Variants in CWC27 observed in about 807,000 individuals in gnomAD.
CWC27 encodes the protein CWC27 spliceosome associated cyclophilin, also known as spliceosome-associated protein CWC27 homolog.
A neutral mutation model predicts 63.6 loss-of-function variants in CWC27; 47 were observed. The ratio of observed to expected loss-of-function variants is 0.74; its 90% CI spans 0.58 to 0.94. CWC27 has a LOEUF of 0.94. Among genes scored for constraint, CWC27 ranks in the 40% least tolerant of loss-of-function variants. The pLI is 0.00. For synonymous variants in CWC27, 175 were observed against 179.8 expected (o/e 0.97, Z 0.22); for missense variants, 495 against 554.3 (o/e 0.89, Z 1.07).
At chr5:64,981,461 A>T (rs1461203899) in intron 13 of CWC27, among the ~76,000 whole-genome samples, 1 of 152,198 alleles carries the variant, frequency 6.6e-6, no homozygotes, top group Admixed American at 6.5e-5. Flanking sequence ...CTATATGATG[A>T]ACCACAAATT....
At position 64,782,023 on chromosome 5, in the gene CWC27, C is replaced by T. The variant is rs765721927; in HGVS notation, c.242C>T (p.Ala81Val). The T allele has an allele frequency of 1.3e-5, 20 of 1,506,510 alleles. No homozygotes were observed. In the South Asian group the frequency reaches 1.4e-4, roughly 10 times the overall value. The allele number at this position is 1,506,510 out of a possible 1,614,324, so 93.3% of individuals were successfully genotyped here. A position where few individuals can be genotyped will look rare whatever the true frequency, so the allele number is the denominator to read the frequency against. ...AGTGGTGGAGAGTCTATCTATGGAG[C>T]GCCATTCAAAGTAAGACTGAATTAT... ...TGSGGESIYG[A>V]PFKDEFHSRL... Residue 81 changes from alanine to valine, a missense_variant, in exon 3 of 14, where the codon GCG becomes GTG. By Grantham distance (64) the Ala-to-Val change is moderately conservative. Transcript: ENST00000381070.
intron 7 of CWC27, among the ~76,000 whole-genome samples, chr5:64,798,110 T>C (rs1744344384): frequency 6.6e-6 from 1 of 152,210 alleles, no homozygotes; most frequent in South Asian, 2.1e-4. Flanking sequence ...AAGGAAAGCA[T>C]GAACAAAAGA....
In CWC27 at chr5:64,954,432, G is replaced by C. The variant is rs575794840; in HGVS notation, c.1043-17271G>C. ...TCCTCCCAAGTAGCTAGGACTACAG[G>C]TATATGCCACTATGCCAGGCTAAAA... On this transcript the variant is annotated intron_variant, in intron 11 of 13. Transcript: ENST00000381070. Among the ~76,000 whole-genome samples, 3 of 152,110 alleles carry C rather than the reference G, an allele frequency of 2.0e-5. No individual in the cohort carries two copies. The South Asian group carries it at 6.2e-4, about 32-fold the overall frequency.
intron 9 of CWC27, among the ~76,000 whole-genome samples, chr5:64,801,630 A>C (rs985684914): frequency 2.0e-5 from 3 of 151,994 alleles, no homozygotes; most frequent in African/African-American, 7.2e-5. Context: ...CAAACTTCAG[A>C]TGTTATAAAT....
chr5:64,887,131 G>A (rs927638487), intron 11 of CWC27, among the ~76,000 whole-genome samples: 2 of 151,970 alleles, frequency 1.3e-5, no homozygotes, highest in African/African-American at 2.4e-5. Context: ...GATTAGGAGT[G>A]TAACACTGTG....
chr5:64,801,373 A>G (rs1022908907), intron 9 of CWC27, 41 bp downstream of exon 9: 1 of 1,262,036 alleles, frequency 7.9e-7, no homozygotes, highest in Non-Finnish European at 1.0e-6. Context: ...TGAACAATTC[A>G]TAGAAAGTAC....
At chr5:64,911,943 G>A (rs1251118924) in intron 11 of CWC27, among the ~76,000 whole-genome samples, 4 of 151,892 alleles carry the variant, frequency 2.6e-5, no homozygotes, top group East Asian at 1.9e-4. Flanking sequence ...CCGTGATGGC[G>A]GGCACCTGCA....
In CWC27 at chr5:64,858,346, C is replaced by T. The variant is rs561382623; in HGVS notation, c.939-27097C>T. 2.0e-5 allele frequency among the ~76,000 whole-genome samples: 3 copies of T among 149,092 alleles called. No individual in the cohort carries two copies. In the Admixed American group the frequency reaches 2.0e-4, roughly 10 times the overall value. ...GCGTGGTGGCGGACGCCTGTAGTCC[C>T]AGCTACTCGGGAGGCTGAGGCAGGA... On this transcript the variant is annotated intron_variant, in intron 10 of 13. Transcript: ENST00000381070.
chr5:64,870,938 C>T (rs1385959446), intron 10 of CWC27, among the ~76,000 whole-genome samples: 3 of 152,010 alleles, frequency 2.0e-5, no homozygotes, highest in Non-Finnish European at 4.4e-5. Context: ...TTCTTTTGTG[C>T]TTGACAAGGA....
At chr5:65,002,901 A>G (rs1749757254) in intron 13 of CWC27, among the ~76,000 whole-genome samples, 1 of 152,174 alleles carries the variant, frequency 6.6e-6, no homozygotes, top group South Asian at 2.1e-4. Flanking sequence ...GTCTCCAACT[A>G]TTATTTTACT....
intron 11 of CWC27, among the ~76,000 whole-genome samples, chr5:64,943,094 A>G (rs1301940683): frequency 6.6e-6 from 1 of 152,220 alleles, no homozygotes; most frequent in Non-Finnish European, 1.5e-5. Context: ...ATGCTTTTCA[A>G]TAAAAACTGG....
At chr5:64,855,767 A>G (rs1367734316) in intron 10 of CWC27, among the ~76,000 whole-genome samples, 1 of 152,148 alleles carries the variant, frequency 6.6e-6, no homozygotes, top group African/African-American at 2.4e-5. Flanking sequence ...TTTTATTTAA[A>G]AGAAAAAAAG....
At chr5:64,861,457 CACTTAT>C (rs10604581) in intron 10 of CWC27, among the ~76,000 whole-genome samples, 2,674 of 152,188 alleles carry the variant, frequency 0.018, 43 homozygotes, top group African/African-American at 0.05. Flanking sequence ...ATCACTTGTA[CACTTAT>C]ACTTATGTGT....
intron 7 of CWC27, among the ~76,000 whole-genome samples, chr5:64,789,761 C>T (rs1406616645): frequency 3.3e-5 from 5 of 152,088 alleles, no homozygotes; most frequent in Admixed American, 3.3e-4. Flanking sequence ...TCAAGGGTTT[C>T]TACTCCTAAA....
intron 10 of CWC27, among the ~76,000 whole-genome samples, chr5:64,840,392 AAAATATATATATATATATATAT>A (rs1561430483): frequency 4.6e-5 from 1 of 21,904 alleles, no homozygotes; most frequent in Non-Finnish European, 8.3e-5. Context: ...AAAAAAAAAA[AAAATATATATATATATATATAT>A]ATATATATAT....
Position 65,018,512 on chromosome 5 carries a change from A to G in CWC27, c.*191A>G. ...TAAGCAAATGCTTTTGGTTACTGGT[A>G]CATGTGTTTTTTCCTAGCTGACCTT... is the stretch of plus-strand genomic sequence containing the variant. On this transcript the variant is annotated 3_prime_UTR_variant, in exon 14 of 14. Transcript: ENST00000381070. The G allele has an allele frequency of 2.2e-6, 1 of 450,932 alleles. No individual in the cohort carries two copies. The highest frequency in any genetic ancestry group is 4.7e-5 in the South Asian group (1 of 21,454). The allele number at this position is 450,932 out of a possible 1,614,324, so 27.9% of individuals were successfully genotyped here.
chr5:64,809,350 C>T (rs1281346396), intron 10 of CWC27, among the ~76,000 whole-genome samples: 1 of 152,096 alleles, frequency 6.6e-6, no homozygotes, highest in Admixed American at 6.6e-5. Flanking sequence ...CTGTGGTAAG[C>T]ATGCATTACA....
chr5:64,852,620 T>G (rs1207228850), intron 10 of CWC27, among the ~76,000 whole-genome samples: 1 of 152,058 alleles, frequency 6.6e-6, no homozygotes, highest in African/African-American at 2.4e-5. Context: ...TACAGGCACC[T>G]GCCACCATGC....
chr5:64,911,792 C>A (rs967068301), intron 11 of CWC27, among the ~76,000 whole-genome samples: 1 of 151,942 alleles, frequency 6.6e-6, no homozygotes, highest in Admixed American at 6.6e-5. Flanking sequence ...GTAGACAGAC[C>A]GGCTGGGCAC....
Sources: allele counts gnomAD v4.1 joint callset (sites outside exome capture counted in the v4.1 genomes callset), GRCh38; gene constraint gnomAD v4.1.1; transcripts MANE v1.5; gene names NCBI Gene and HGNC (gene_info 2026-07-23, HGNC 2026-07-21).